Variants in ABCC8 observed in about 807,000 individuals in gnomAD.
ABCC8 encodes the protein ATP binding cassette subfamily C member 8.
ABCC8 carries 137 observed loss-of-function variants against 188.0 expected under a neutral mutation model. The observed-to-expected ratio is 0.73, with a 90% confidence interval of 0.63 to 0.84. The LOEUF (loss-of-function observed/expected upper bound fraction) is 0.84. Ranked by LOEUF, ABCC8 falls within the 40% of genes least tolerant of loss-of-function variation. The probability of loss-of-function intolerance (pLI) is 0.00; values close to 1 mark genes in which losing one functional copy is unlikely to be tolerated. For synonymous variants in ABCC8, 797 were observed against 846.5 expected (o/e 0.94, Z 1.01); for missense variants, 1,750 against 2,072.7 (o/e 0.84, Z 3.02).
At chr11:17,420,510 C>G (rs554978496) in intron 16 of ABCC8, among the ~76,000 whole-genome samples, 23 of 152,324 alleles carry the variant, frequency 1.5e-4, no homozygotes, top group African/African-American at 5.5e-4. Context: ...GAGCCCCTGA[C>G]TTCAGCTCCC....
At chr11:17,462,672 C>T (rs1452764519) in intron 4 of ABCC8, among the ~76,000 whole-genome samples, 3 of 152,190 alleles carry the variant, frequency 2.0e-5, no homozygotes, top group African/African-American at 4.8e-5. Flanking sequence ...AATAGCTGAA[C>T]ACATTATGGC....
At chr11:17,476,559 G>A (rs1848788086) in intron 1 of ABCC8, 70 bp downstream of exon 1, 13 of 1,555,922 alleles carry the variant, frequency 8.4e-6, no homozygotes, top group Non-Finnish European at 8.7e-6. Context: ...CGAGCGGTGC[G>A]GCGCGCAGCG....
chr11:17,435,706 G>A, intron 10 of ABCC8: 1 of 1,377,698 alleles, frequency 7.3e-7, no homozygotes, highest in South Asian at 1.2e-5. Flanking sequence ...GGACAGTACA[G>A]TAAGAACCGG....
intron 7 of ABCC8, 24 bp downstream of exon 7, chr11:17,453,095 G>A: frequency 6.3e-7 from 1 of 1,586,870 alleles, no homozygotes; most frequent in South Asian, 1.1e-5. Flanking sequence ...TTATGGCAAA[G>A]TGAAAAAATA....
chr11:17,413,466 G>A lies in ABCC8; in HGVS notation c.2403C>T (p.Val801=). 1 of 1,614,028 alleles carries A rather than the reference G, an allele frequency of 6.2e-7. No individual in the cohort carries two copies. The part of the protein sequence containing the change: ...SPFNKQRYKM[V]IEACSLQPDI... Reference sequence around the variant, plus strand: ...CTGGCTGCAGAGAGCAGGCTTCAATGACCATCTTGTACCTGGCGTGGGTAG... The same window carrying A: ...CTGGCTGCAGAGAGCAGGCTTCAATAACCATCTTGTACCTGGCGTGGGTAG... The change falls in exon 20 of 39, where the codon GTC becomes GTT. Residue 801 remains valine, a synonymous_variant. Coordinates refer to ENST00000389817, the MANE Select transcript of ABCC8 (RefSeq NM_000352.6).
In ABCC8 at chr11:17,430,799, G is replaced by A. The variant is rs369881844; in HGVS notation, c.1817+15C>T. 36 of 1,613,554 alleles carry A rather than the reference G, an allele frequency of 2.2e-5. No homozygotes were observed. The Middle Eastern group carries it at 8.3e-4, about 37-fold the overall frequency. ...ACCTGCCTGCCCAGTGCCCTCGCCC[G>A]GACCCTCCCCTCACCTCACTAGAGC... On this transcript the variant is annotated intron_variant, in intron 12 of 38. Coordinates refer to ENST00000389817, the MANE Select transcript of ABCC8 (RefSeq NM_000352.6).
At chr11:17,410,371 C>T (rs1236704968) in intron 22 of ABCC8, 145 bp downstream of exon 22, 37 of 905,790 alleles carry the variant, frequency 4.1e-5, no homozygotes, top group Non-Finnish European at 1.6e-5. Flanking sequence ...AAATGCCCAG[C>T]ATGCATAAAG....
At chr11:17,452,581 G>A (rs185955584) in intron 7 of ABCC8, among the ~76,000 whole-genome samples, 60 of 152,328 alleles carry the variant, frequency 3.9e-4, no homozygotes, top group Non-Finnish European at 7.6e-4. Flanking sequence ...AGGAGGCAGA[G>A]CTCAGGTAGT....
rs1954981950 is a variant in ABCC8, at chr11:17,414,705, A to T, written c.2292-95T>A. On this transcript the variant is annotated intron_variant, in intron 18 of 38. Transcript: ENST00000389817. ...TCAAGCTGATGGCTCAGATGGAGGCAAGGGGATGGGGAGGTGCAGTTGGTA... is the reference window on the plus strand; with the variant it reads ...TCAAGCTGATGGCTCAGATGGAGGCTAGGGGATGGGGAGGTGCAGTTGGTA... The T allele has an allele frequency of 5.0e-6, 8 of 1,589,220 alleles. No homozygotes were observed. In the South Asian group the frequency reaches 9.0e-5, roughly 18 times the overall value.
intron 33 of ABCC8, chr11:17,396,140 G>T: frequency 8.4e-7 from 1 of 1,193,442 alleles, no homozygotes; most frequent in Non-Finnish European, 1.1e-6. Context: ...CGGCACGCAA[G>T]TGCAGGCATG....
In ABCC8 at chr11:17,394,317, C is replaced by T. The variant is rs1953789888; in HGVS notation, c.4494G>A (p.Lys1498=). 1.9e-6 allele frequency: 3 copies of T among 1,613,926 alleles called. No individual in the cohort carries two copies. The highest frequency in any genetic ancestry group is 2.2e-5 in the East Asian group (1 of 44,890). Reference sequence around the variant, plus strand: ...CCTCGTCCATGATGAAGATGCTGGTCTTCCTCACGAAGGCCCGGGCCAGGC... The same window carrying T: ...CCTCGTCCATGATGAAGATGCTGGTTTTCCTCACGAAGGCCCGGGCCAGGC... ...LFCLARAFVR[K]TSIFIMDEAT... is the part of the protein sequence containing the mutation. The change falls in exon 37 of 39, where the codon AAG becomes AAA. Residue 1498 remains lysine (K), a synonymous_variant. Coordinates refer to ENST00000389817, the MANE Select transcript of ABCC8 (RefSeq NM_000352.6).
Position 17,414,910 on chromosome 11 carries a change from C to T in ABCC8, c.2292-300G>A, listed in dbSNP as rs79618769. Among the ~76,000 whole-genome samples, 522 of 152,208 alleles carry T rather than the reference C, an allele frequency of 3.4e-3. 1 individual carries two copies. The highest frequency in any genetic ancestry group is 0.012 in the African/African-American group (502 of 41,518). ...GAGGAGCCCAAAAGTGTGACCAAAC[C>T]AAGGGAACACTCAACTTCTGGCTTC... On this transcript the variant is annotated intron_variant, in intron 18 of 38. Transcript: ENST00000389817.
At chr11:17,470,028 T>C in intron 3 of ABCC8, 73 bp downstream of exon 3, 6 of 1,571,336 alleles carry the variant, frequency 3.8e-6, no homozygotes, top group Non-Finnish European at 5.3e-6. Context: ...AGCTGGCACA[T>C]AATGAGTCCT....
rs1381068943 is a variant in ABCC8 at position 17,410,621 on chromosome 11, CAGAT to C, written c.2585_2588del (p.His862ArgfsTer5). 6.2e-7 allele frequency: 1 copy of C among 1,614,048 alleles called. No homozygotes were observed. Among genetic ancestry groups the C allele is most frequent in the Non-Finnish European group, 8.5e-7 (1 of 1,180,008 alleles). On this transcript the variant is annotated frameshift_variant, in exon 22 of 39. Coordinates refer to ENST00000389817, the MANE Select transcript of ABCC8 (RefSeq NM_000352.6). LOFTEE classifies it high-confidence loss of function. The stretch of plus-strand genomic sequence containing the variant: ...TGCCGGCCTGCATTAAGTGGTCACT[CAGAT>C]GGATATCCAGAGCTGAGAAGGGGTC...
intron 16 of ABCC8, among the ~76,000 whole-genome samples, chr11:17,418,025 G>A (rs1434565129): frequency 6.6e-6 from 1 of 152,126 alleles, no homozygotes; most frequent in African/African-American, 2.4e-5. Context: ...CTAAAGTGCT[G>A]GGATTACTGG....
intron 10 of ABCC8, 136 bp downstream of exon 10, chr11:17,442,584 T>G: frequency 1.2e-6 from 1 of 869,408 alleles, no homozygotes; most frequent in Admixed American, 1.8e-5. Context: ...AGAGCCAGTT[T>G]GAGGCTCCCC....
chr11:17,407,035 G>A lies in ABCC8; in HGVS notation c.3015C>T (p.Ser1005=). 1.2e-5 allele frequency: 20 copies of A among 1,614,156 alleles called. No homozygotes were observed. Among genetic ancestry groups the A allele is most frequent in the Non-Finnish European group, 1.7e-5 (20 of 1,180,042 alleles). The part of the protein sequence containing the change: ...IPWRACAKYL[S]SAGILLLSLL... Reference sequence around the variant, plus strand: ...ACGACAGGAGCAGGATGCCGGCGGAGGACAGGTACTTGGCGCAGGCTCGCC... The same window carrying A: ...ACGACAGGAGCAGGATGCCGGCGGAAGACAGGTACTTGGCGCAGGCTCGCC... The change falls in exon 25 of 39, where the codon TCC becomes TCT. Residue 1005 remains serine, a synonymous_variant. Coordinates refer to ENST00000389817, the MANE Select transcript of ABCC8 (RefSeq NM_000352.6).
intron 2 of ABCC8, among the ~76,000 whole-genome samples, chr11:17,471,449 C>A (rs1371938841): frequency 6.6e-6 from 1 of 152,120 alleles, no homozygotes; most frequent in Non-Finnish European, 1.5e-5. Context: ...AGTGTAGAGG[C>A]AATGTGGGCT....
intron 21 of ABCC8, among the ~76,000 whole-genome samples, chr11:17,412,408 G>A (rs536138055): frequency 6.6e-6 from 1 of 152,348 alleles, no homozygotes; most frequent in African/African-American, 2.4e-5. Context: ...CCACAGACAG[G>A]CAGCCTATAA....
Sources: gnomAD v4.1 joint callset for allele counts (sites outside exome capture counted in the v4.1 genomes callset) on GRCh38, gnomAD v4.1.1 for gene constraint, MANE v1.5 for transcripts, NCBI Gene and HGNC (gene_info 2026-07-23, HGNC 2026-07-21) for gene names.